Variants in LARP4B observed in about 807,000 individuals in gnomAD.
The protein encoded by LARP4B is la-related protein 4B.
LARP4B carries 12 observed loss-of-function variants against 89.8 expected under a neutral mutation model. The observed-to-expected ratio is 0.13, with a 90% CI of 0.09 to 0.22. The LOEUF (loss-of-function observed/expected upper bound fraction) is 0.22, where lower values mean the gene tolerates loss of function less well. Among genes scored for constraint, LARP4B ranks in the 10% least tolerant of loss-of-function variants. The probability of loss-of-function intolerance (pLI) is 1.00; values close to 1 mark genes in which losing one functional copy is unlikely to be tolerated. For synonymous variants in LARP4B, 367 were observed against 363.3 expected (o/e 1.01, Z -0.12); for missense variants, 757 against 947.7 (o/e 0.80, Z 2.64).
chr10:950,098 G>C, the LARP4B span, among the ~76,000 whole-genome samples: 5 of 152,044 alleles, frequency 3.3e-5, no homozygotes, highest in Admixed American at 3.3e-4. Context: ...TTTAACCGTT[G>C]AGTTTTGAGA....
the LARP4B span, among the ~76,000 whole-genome samples, chr10:947,495 A>G: frequency 5.3e-5 from 8 of 152,116 alleles, 1 homozygote; most frequent in Admixed American, 3.9e-4. Flanking sequence ...CGACAGAACA[A>G]AATGTTCTGT....
chr10:871,284 C>G (rs571906294), intron 3 of LARP4B, among the ~76,000 whole-genome samples: 1 of 152,262 alleles, frequency 6.6e-6, no homozygotes, highest in South Asian at 2.1e-4. Flanking sequence ...AAAATAAATG[C>G]GGAGGAAACA....
intron 15 of LARP4B, among the ~76,000 whole-genome samples, chr10:816,534 G>C (rs1832066629): frequency 6.6e-6 from 1 of 152,222 alleles, no homozygotes; most frequent in South Asian, 2.1e-4. Flanking sequence ...CCTTACACAA[G>C]ACTCAAACTG....
At chr10:868,163 G>A (rs1235670457) in intron 3 of LARP4B, among the ~76,000 whole-genome samples, 1 of 152,028 alleles carries the variant, frequency 6.6e-6, no homozygotes, top group African/African-American at 2.4e-5. Context: ...CTAGGAACTG[G>A]AGTAATTAAT....
Position 921,929 on chromosome 10 carries a change from T to A in LARP4B, c.-40+9499A>T, listed in dbSNP as rs1836991293. ...CCCATATTCATTCTTTGGTCTTCAC[T>A]GACAGCGTGAAGAAGCAACTATTGC... On this transcript the variant is annotated intron_variant, in intron 1 of 17. Transcript: ENST00000316157. Among the ~76,000 whole-genome samples the A allele has an allele frequency of 2.0e-5, 3 of 152,264 alleles. No individual in the cohort carries two copies. In the South Asian group the frequency reaches 6.2e-4, roughly 31 times the overall value.
chr10:850,147 A>T (rs563074528), intron 5 of LARP4B, among the ~76,000 whole-genome samples: 3 of 152,190 alleles, frequency 2.0e-5, no homozygotes, highest in Admixed American at 2.0e-4. Context: ...AATCATCTCA[A>T]TTTTTCTAAG....
the LARP4B span, among the ~76,000 whole-genome samples, chr10:944,098 T>C: frequency 3.9e-5 from 6 of 152,184 alleles, no homozygotes; most frequent in Admixed American, 2.0e-4. Context: ...TCTGTTTCTT[T>C]AGAATTCGTG....
the LARP4B span, among the ~76,000 whole-genome samples, chr10:976,923 A>T: frequency 1.3e-5 from 2 of 150,360 alleles, no homozygotes; most frequent in South Asian, 4.2e-4. Context: ...CTGTCACGTA[A>T]TGTGCAGCCC....
At chr10:967,643 C>A in the LARP4B span, among the ~76,000 whole-genome samples, 2 of 152,182 alleles carry the variant, frequency 1.3e-5, no homozygotes, top group African/African-American at 4.8e-5. Context: ...CGGAGAGAAT[C>A]GGAAGCCAGC....
At chr10:943,673 G>A in the LARP4B span, among the ~76,000 whole-genome samples, 1 of 152,178 alleles carries the variant, frequency 6.6e-6, no homozygotes, top group Non-Finnish European at 1.5e-5. Flanking sequence ...AGCTAAGACT[G>A]ACATTATAAA....
the LARP4B span, among the ~76,000 whole-genome samples, chr10:979,876 C>A: frequency 6.6e-6 from 1 of 152,158 alleles, no homozygotes; most frequent in Non-Finnish European, 1.5e-5. Context: ...GAGGCTGAGG[C>A]AGGAGAATGG....
the LARP4B span, among the ~76,000 whole-genome samples, chr10:962,687 A>G: frequency 0.88 from 134,330 of 152,194 alleles, 59,505 homozygotes; most frequent in East Asian, 0.9. Flanking sequence ...AAATAATATC[A>G]AGTAGGCCTG....
the LARP4B span, among the ~76,000 whole-genome samples, chr10:955,848 T>C: frequency 6.6e-5 from 10 of 152,064 alleles, no homozygotes; most frequent in African/African-American, 2.4e-4. The surrounding 1 kb of genome is among the most constrained non-coding windows in gnomAD (Gnocchi z 5.2). Flanking sequence ...AAGGAAACTG[T>C]GTGAGGCCAT....
chr10:955,285 GC>G, the LARP4B span, among the ~76,000 whole-genome samples: 32 of 152,298 alleles, frequency 2.1e-4, no homozygotes, highest in South Asian at 6.6e-3. The surrounding 1 kb of genome is among the most constrained non-coding windows in gnomAD (Gnocchi z 5.2). Context: ...GTCTGCCCCT[GC>G]CCCCTCGACC....
chr10:936,322 G>C (rs1449430922), upstream of LARP4B, among the ~76,000 whole-genome samples: 1 of 152,050 alleles, frequency 6.6e-6, no homozygotes, highest in Non-Finnish European at 1.5e-5. Flanking sequence ...CGGGGTCCAA[G>C]CCAACTTAAG....
At chr10:909,142 A>C (rs1466610329) in intron 1 of LARP4B, among the ~76,000 whole-genome samples, 3 of 152,012 alleles carry the variant, frequency 2.0e-5, no homozygotes, top group African/African-American at 7.2e-5. Flanking sequence ...ACAATACAAA[A>C]AATTAGCCGG....
At chr10:850,033 T>A (rs1484443253) in intron 5 of LARP4B, among the ~76,000 whole-genome samples, 1 of 151,774 alleles carries the variant, frequency 6.6e-6, no homozygotes, top group Non-Finnish European at 1.5e-5. Context: ...TAGGTTACGA[T>A]GTATCACTAC....
chr10:953,788 G>A, the LARP4B span, among the ~76,000 whole-genome samples: 1 of 152,258 alleles, frequency 6.6e-6, no homozygotes, highest in African/African-American at 2.4e-5. Flanking sequence ...CCGGTTGTAA[G>A]GCTTCTGCCT....
intron 1 of LARP4B, among the ~76,000 whole-genome samples, chr10:889,561 G>A (rs946765842): frequency 1.3e-5 from 2 of 152,192 alleles, no homozygotes; most frequent in Non-Finnish European, 1.5e-5. Context: ...TCATCATGTT[G>A]AAATGACATT....
Sources: gnomAD v4.1 joint callset for allele counts (sites outside exome capture counted in the v4.1 genomes callset) on GRCh38, gnomAD v4.1.1 for gene constraint, Gnocchi (gnomAD v3.1) non-coding constraint, MANE v1.5 for transcripts, NCBI Gene and HGNC (gene_info 2026-07-23, HGNC 2026-07-21) for gene names.